Variants in RBFOX1 observed in about 807,000 individuals in gnomAD.
The protein encoded by RBFOX1 is RNA binding fox-1 homolog 1, also known as RNA binding protein fox-1 homolog 1.
RBFOX1 carries 8 observed loss-of-function variants against 57.7 expected under a neutral mutation model. That is an observed-to-expected ratio of 0.14 (90% CI 0.08 to 0.25). RBFOX1 has a LOEUF of 0.25. RBFOX1 is among the 10% of genes least tolerant of loss of function. RBFOX1 has a pLI of 1.00. For synonymous variants in RBFOX1, 326 were observed against 222.4 expected, an observed-to-expected ratio of 1.47 and a Z score of -4.15; for missense variants, 611 against 548.5, an observed-to-expected ratio of 1.11 and a Z score of -1.14.
intron 2 of RBFOX1, among the ~76,000 whole-genome samples, chr16:5,574,719 A>G (rs181922940): frequency 2.1e-4 from 32 of 152,102 alleles, no homozygotes; most frequent in Non-Finnish European, 3.2e-4. Context: ...TTAAACGTCA[A>G]TGCTTCTCTC....
At chr16:7,046,917 T>C (rs1215717874) in intron 3 of RBFOX1, among the ~76,000 whole-genome samples, 1 of 152,134 alleles carries the variant, frequency 6.6e-6, no homozygotes, top group Non-Finnish European at 1.5e-5. Context: ...ATATTTTGTT[T>C]AACTTCCGTA....
chr16:5,566,713 C>G (rs574710354), intron 2 of RBFOX1, among the ~76,000 whole-genome samples: 14 of 150,728 alleles, frequency 9.3e-5, no homozygotes, highest in African/African-American at 3.4e-4. Context: ...TAGATATATC[C>G]TAATATGGAC....
chr16:6,699,547 A>C (rs1268205519), intron 3 of RBFOX1, among the ~76,000 whole-genome samples: 1 of 152,220 alleles, frequency 6.6e-6, no homozygotes, highest in Non-Finnish European at 1.5e-5. Context: ...TGGGCACTCC[A>C]GTAACAAACA....
At chr16:7,078,451 G>A (rs1036334539) in intron 4 of RBFOX1, among the ~76,000 whole-genome samples, 4 of 152,006 alleles carry the variant, frequency 2.6e-5, no homozygotes, top group South Asian at 2.1e-4. Context: ...GGATTCAAGC[G>A]GTTCTCCTAC....
chr16:6,637,220 A>T (rs1291445658), intron 2 of RBFOX1, among the ~76,000 whole-genome samples: 1 of 71,050 alleles, frequency 1.4e-5, no homozygotes, highest in African/African-American at 5.8e-5. Context: ...ATATTATATA[A>T]TATACAATAT....
intron 4 of RBFOX1, among the ~76,000 whole-genome samples, chr16:7,426,804 G>A (rs2098620237): frequency 6.6e-6 from 1 of 152,224 alleles, no homozygotes; most frequent in African/African-American, 2.4e-5. Context: ...GGTGTAAGCA[G>A]AGAGGCAAGG....
chr16:7,050,080 TC>T (rs1426240543), intron 3 of RBFOX1, among the ~76,000 whole-genome samples: 1 of 151,996 alleles, frequency 6.6e-6, no homozygotes, highest in Non-Finnish European at 1.5e-5. Flanking sequence ...CCCTACTTCA[TC>T]TTTTAACAGT....
chr16:7,249,078 C>A (rs1235755450), intron 4 of RBFOX1, among the ~76,000 whole-genome samples: 1 of 151,688 alleles, frequency 6.6e-6, no homozygotes, highest in East Asian at 1.9e-4. Flanking sequence ...AGGAATAGGA[C>A]TGATAGGAGA....
At chr16:7,084,947 CATCT>C (rs1168013955) in intron 4 of RBFOX1, among the ~76,000 whole-genome samples, 12 of 152,144 alleles carry the variant, frequency 7.9e-5, no homozygotes, top group South Asian at 2.1e-4. Context: ...TGCATCTATT[CATCT>C]ATCTATGTAT....
chr16:6,439,750 A>T (rs186265000), intron 2 of RBFOX1, among the ~76,000 whole-genome samples: 5 of 152,088 alleles, frequency 3.3e-5, no homozygotes, highest in Non-Finnish European at 5.9e-5. Flanking sequence ...CTCCAGTCTC[A>T]TCTTTCCCTG....
intron 10 of RBFOX1, among the ~76,000 whole-genome samples, chr16:7,615,158 C>T (rs773710887): frequency 2.6e-5 from 4 of 152,056 alleles, no homozygotes; most frequent in African/African-American, 4.8e-5. Flanking sequence ...ACGGTGAAAC[C>T]CCATCTCTAC....
At chr16:5,558,135 G>A (rs35926447) in intron 2 of RBFOX1, among the ~76,000 whole-genome samples, 61,680 of 151,948 alleles carry the variant, frequency 0.41, 12,807 homozygotes, top group East Asian at 0.5. Context: ...TCCCAGCCCA[G>A]GTGTGATCCA....
At position 5,568,725 on chromosome 16, in the gene RBFOX1, C is replaced by G. The variant is rs370529387; in HGVS notation, c.259-30177C>G. 2.1e-4 allele frequency among the ~76,000 whole-genome samples: 32 copies of G among 152,318 alleles called. No homozygotes were observed. The East Asian group carries it at 6.2e-3, about 29-fold the overall frequency. On this transcript the variant is annotated intron_variant, in intron 2 of 2. Coordinates refer to the RBFOX1 transcript ENST00000585867. The stretch of plus-strand genomic sequence containing the variant: ...TTCTTCTTCTGCTCTCAGATTTGCC[C>G]CACGATGGTCTTAAGAATCCATGCT...
intron 1 of RBFOX1, among the ~76,000 whole-genome samples, chr16:5,403,361 A>AAAAAAC (rs1555509346): frequency 0.014 from 2,115 of 147,084 alleles, 68 homozygotes; most frequent in African/African-American, 0.052. Flanking sequence ...AAAAAAAAAA[A>AAAAAAC]AAAAAACAAA....
intron 3 of RBFOX1, among the ~76,000 whole-genome samples, chr16:6,815,138 A>C (rs531803136): frequency 6.6e-6 from 1 of 152,252 alleles, no homozygotes; most frequent in South Asian, 2.1e-4. Flanking sequence ...GGGTGTTGCT[A>C]CAGCATTTGT....
intron 1 of RBFOX1, among the ~76,000 whole-genome samples, chr16:6,042,053 C>G (rs1376812843): frequency 2.0e-5 from 3 of 151,826 alleles, no homozygotes; most frequent in African/African-American, 7.3e-5. Context: ...GCCAGCAATA[C>G]GGGCATTTCT....
chr16:6,930,511 G>T (rs2076328974), intron 3 of RBFOX1, among the ~76,000 whole-genome samples: 1 of 152,018 alleles, frequency 6.6e-6, no homozygotes, highest in South Asian at 2.1e-4. Context: ...CTGGGTTCAG[G>T]TGATTCTCCT....
At chr16:5,277,981 C>G (rs2063182751) in intron 1 of RBFOX1, among the ~76,000 whole-genome samples, 1 of 152,068 alleles carries the variant, frequency 6.6e-6, no homozygotes. Context: ...TACAGGTATC[C>G]CGTTGATACA....
intron 3 of RBFOX1, among the ~76,000 whole-genome samples, chr16:6,690,192 A>G (rs182013523): frequency 8.5e-5 from 13 of 152,344 alleles, no homozygotes; most frequent in East Asian, 7.7e-4. Context: ...GAGTTAAAAC[A>G]TAGGCTAATT....
Sources: allele counts gnomAD v4.1 joint callset (sites outside exome capture counted in the v4.1 genomes callset), GRCh38; gene constraint gnomAD v4.1.1; transcripts MANE v1.5; gene names NCBI Gene and HGNC (gene_info 2026-07-23, HGNC 2026-07-21).